The following POLR2G variants were observed in gnomAD, a reference collection of about 807,000 sequenced individuals.
POLR2G encodes the protein RNA polymerase II subunit G, also known as DNA-directed RNA polymerase II subunit RPB7.
A neutral mutation model predicts 25.7 loss-of-function variants in POLR2G; 19 were observed. That is an observed-to-expected ratio of 0.74 (90% CI 0.52 to 1.08). POLR2G has a LOEUF of 1.08. Ranked by LOEUF, POLR2G falls within the 50% of genes least tolerant of loss-of-function variation. The pLI is 0.00. For synonymous variants in POLR2G, 79 were observed against 76.0 expected (o/e 1.04, Z -0.21); for missense variants, 123 against 218.5 (o/e 0.56, Z 2.76).
chr11:62,765,464 A>G, intron 5 of POLR2G, 59 bp downstream of exon 5: 1 of 1,407,364 alleles, frequency 7.1e-7, no homozygotes, highest in East Asian at 2.3e-5. Context: ...CTGAGGGAGA[A>G]TATTGGCCTG....
At chr11:62,763,088 G>T in intron 3 of POLR2G, 62 bp downstream of exon 3, 1 of 1,119,488 alleles carries the variant, frequency 8.9e-7, no homozygotes, top group Non-Finnish European at 1.3e-6. Flanking sequence ...TTGGGTTCTG[G>T]CTCCACTTCA....
chr11:62,766,111 C>T, intron 6 of POLR2G, 132 bp from the exon 7 acceptor site: 1 of 828,374 alleles, frequency 1.2e-6, no homozygotes, highest in Non-Finnish European at 2.1e-6. Context: ...TCTTACCACC[C>T]ACAGTTTCAG....
chr11:62,762,757 T>A, intron 2 of POLR2G, 110 bp from the exon 3 acceptor site: 1 of 777,164 alleles, frequency 1.3e-6, no homozygotes, highest in Admixed American at 2.1e-5. Context: ...TATCTACTTG[T>A]CCTTTTGCTC....
chr11:62,761,974 C>G (rs545119620), intron 2 of POLR2G, 70 bp downstream of exon 2: 2 of 1,103,572 alleles, frequency 1.8e-6, no homozygotes, highest in Non-Finnish European at 2.7e-6. Flanking sequence ...TGCAACCCCT[C>G]CCCAACTCCT....
At chr11:62,761,986 C>G (rs1383417418) in intron 2 of POLR2G, 82 bp downstream of exon 2, 1 of 1,009,370 alleles carries the variant, frequency 9.9e-7, no homozygotes, top group Non-Finnish European at 1.5e-6. Flanking sequence ...CCAACTCCTA[C>G]TCGTCCTGCC....
At chr11:62,763,230 C>A (rs1407413558) in intron 3 of POLR2G, among the ~76,000 whole-genome samples, 1 of 147,666 alleles carries the variant, frequency 6.8e-6, no homozygotes, top group Non-Finnish European at 1.5e-5. Context: ...CTCCTAGGTT[C>A]AAGTGATTCT....
chr11:62,763,575 T>A (rs1460254186), intron 3 of POLR2G, among the ~76,000 whole-genome samples: 1 of 152,000 alleles, frequency 6.6e-6, no homozygotes, highest in Non-Finnish European at 1.5e-5. Context: ...ATTGCAGGCT[T>A]GAGCCACCGC....
intron 2 of POLR2G, chr11:62,762,505 G>A (rs113542095): frequency 4.7e-6 from 2 of 422,026 alleles, no homozygotes; most frequent in Non-Finnish European, 9.9e-6. Context: ...AAACCTGCAG[G>A]AACATGCAGA....
At position 62,761,921 on chromosome 11, in the gene POLR2G, C is replaced by T. The variant is rs141678614; in HGVS notation, c.122+17C>T. 7.4e-4 allele frequency: 1,143 copies of T among 1,546,190 alleles called. 9 individuals are homozygous for T. In the African/African-American group the frequency reaches 0.013, roughly 18 times the overall value. Reference sequence around the variant, plus strand: ...CACAGGGAAGTGAGTGTCGAGCTCACCGCACCGCCAGATCGTTCGATGCGC... The same window carrying T: ...CACAGGGAAGTGAGTGTCGAGCTCATCGCACCGCCAGATCGTTCGATGCGC... On this transcript the variant is annotated intron_variant, in intron 2 of 7. Transcript: ENST00000301788.
intron 3 of POLR2G, among the ~76,000 whole-genome samples, chr11:62,763,496 G>C (rs941829376): frequency 5.3e-5 from 8 of 150,914 alleles, no homozygotes; most frequent in Admixed American, 5.3e-4. Flanking sequence ...GGGTTTCACT[G>C]TGTTAGCCAG....
At chr11:62,765,256 G>A (rs781049253) in intron 4 of POLR2G, 24 bp downstream of exon 4, 2 of 1,612,750 alleles carry the variant, frequency 1.2e-6, no homozygotes, top group Non-Finnish European at 1.7e-6. Context: ...CACTGGGTGG[G>A]GCTGAGGAAG....
chr11:62,766,125 GT>G (rs2084114806), intron 6 of POLR2G, 117 bp from the exon 7 acceptor site: 3 of 897,298 alleles, frequency 3.3e-6, no homozygotes, highest in Non-Finnish European at 5.6e-6. Flanking sequence ...GTTTCAGGGG[GT>G]TCTGTGCTCT....
intron 3 of POLR2G, among the ~76,000 whole-genome samples, chr11:62,764,336 G>C (rs562021134): frequency 6.6e-6 from 1 of 151,876 alleles, no homozygotes; most frequent in South Asian, 2.1e-4. Context: ...TGGCATGTGC[G>C]TGTAGTCCCT....
At position 62,766,535 on chromosome 11, in the gene POLR2G, A is replaced by G; in HGVS notation, c.*28A>G. On this transcript the variant is annotated 3_prime_UTR_variant, in exon 8 of 8. Coordinates refer to ENST00000301788, the MANE Select transcript of POLR2G (RefSeq NM_002696.3). The stretch of plus-strand genomic sequence containing the variant: ...CTGGTGGCCTCCTACCCTTGGTCCT[A>G]CTCTAGGAAGTGTGATTGTCACACT... The G allele has an allele frequency of 6.2e-7, 1 of 1,607,544 alleles. No individual in the cohort carries two copies. Among genetic ancestry groups the G allele is most frequent in the South Asian group, 1.1e-5 (1 of 90,958 alleles).
chr11:62,761,952 G>C, intron 2 of POLR2G, 48 bp downstream of exon 2: 1 of 1,374,588 alleles, frequency 7.3e-7, no homozygotes, highest in Non-Finnish European at 1.0e-6. Context: ...TGCGCACACG[G>C]GGCGCTATAC....
Position 62,765,361 on chromosome 11 carries a change from T to A in POLR2G, c.355T>A (p.Phe119Ile). The A allele has an allele frequency of 6.2e-7, 1 of 1,613,316 alleles. No homozygotes were observed. The highest frequency in any genetic ancestry group is 8.5e-7 in the Non-Finnish European group (1 of 1,179,414). Residue 119 changes from phenylalanine (F) to isoleucine (I), a missense_variant, in exon 5 of 8, where the codon TTT becomes ATT. Phe to Ile is a conservative substitution (Grantham distance 21, BLOSUM62 0). Coordinates refer to ENST00000301788, the MANE Select transcript of POLR2G (RefSeq NM_002696.3). Reference sequence around the variant, plus strand: ...TCAGTCCATCCCTTCAGAGATGGAGTTTGATCCTAACTCCAACCCACCATG... The same window carrying A: ...TCAGTCCATCCCTTCAGAGATGGAGATTGATCCTAACTCCAACCCACCATG... ...SRHSIPSEME[F>I]DPNSNPPCYK...
rs1195529326 is a variant in POLR2G at position 62,761,907 on chromosome 11, G to C, written c.122+3G>C. The C allele has an allele frequency of 6.3e-7, 1 of 1,594,048 alleles. No individual in the cohort carries two copies. Among genetic ancestry groups the C allele is most frequent in the Admixed American group, 1.7e-5 (1 of 59,940 alleles). ...GTGGAGGGGACCTGCACAGGGAAGTGAGTGTCGAGCTCACCGCACCGCCAG... is the reference window on the plus strand; with the variant it reads ...GTGGAGGGGACCTGCACAGGGAAGTCAGTGTCGAGCTCACCGCACCGCCAG... On this transcript the variant is annotated splice_donor_region_variant and intron_variant, in intron 2 of 7. Coordinates refer to ENST00000301788, the MANE Select transcript of POLR2G (RefSeq NM_002696.3).
chr11:62,765,415 C>T lies in POLR2G; in HGVS notation c.399+10C>T, dbSNP rs1021418574. 3.1e-6 allele frequency: 5 copies of T among 1,605,240 alleles called. No homozygotes were observed. The highest frequency in any genetic ancestry group is 2.7e-5 in the African/African-American group (2 of 74,710). ...CAAGACAATGGATGAGGTGAGTGGACAGAAAGAAGTCAGGGAGACAAGGAG... is the reference window on the plus strand; with the variant it reads ...CAAGACAATGGATGAGGTGAGTGGATAGAAAGAAGTCAGGGAGACAAGGAG... On this transcript the variant is annotated intron_variant, in intron 5 of 7. Coordinates refer to ENST00000301788, the MANE Select transcript of POLR2G (RefSeq NM_002696.3).
rs1590928537 is a variant in POLR2G, at chr11:62,764,736, C to T, written c.283-446C>T. Among the ~76,000 whole-genome samples, 6 of 152,128 alleles carry T rather than the reference C, an allele frequency of 3.9e-5. No homozygotes were observed. The South Asian group carries it at 1.2e-3, about 31-fold the overall frequency. ...GCTTGAGCCCAGGAGTTCAAATTTA[C>T]AGTGAGCTGTGATCGCACCACTACT... On this transcript the variant is annotated intron_variant, in intron 3 of 7. Coordinates refer to ENST00000301788, the MANE Select transcript of POLR2G (RefSeq NM_002696.3).
Sources: allele counts gnomAD v4.1 joint callset (sites outside exome capture counted in the v4.1 genomes callset), GRCh38; gene constraint gnomAD v4.1.1; transcripts MANE v1.5; gene names NCBI Gene and HGNC (gene_info 2026-07-23, HGNC 2026-07-21).